KHDRBS2: variants seen among roughly 807,000 people sequenced by gnomAD.
KHDRBS2 encodes the protein KH RNA binding domain containing, signal transduction associated 2.
KHDRBS2 carries 26 observed loss-of-function variants against 44.3 expected under a neutral mutation model. The ratio of observed to expected loss-of-function variants is 0.59; its 90% CI spans 0.43 to 0.81. KHDRBS2 has a LOEUF of 0.81. Among genes scored for constraint, KHDRBS2 ranks in the 40% least tolerant of loss-of-function variants. KHDRBS2 has a pLI of 0.00. For synonymous variants in KHDRBS2, 194 were observed against 151.1 expected, an observed-to-expected ratio of 1.28 and a Z score of -2.08; for missense variants, 476 against 433.1, an observed-to-expected ratio of 1.10 and a Z score of -0.88.
intron 1 of KHDRBS2, among the ~76,000 whole-genome samples, chr6:62,185,588 T>C (rs367763925): frequency 2.2e-3 from 331 of 152,150 alleles, no homozygotes; most frequent in African/African-American, 7.7e-3. Flanking sequence ...CAAGTAATTA[T>C]TTTTGATTAT....
intron 3 of KHDRBS2, among the ~76,000 whole-genome samples, chr6:62,005,752 A>G (rs1445008097): frequency 6.6e-6 from 1 of 151,882 alleles, no homozygotes; most frequent in Non-Finnish European, 1.5e-5. Flanking sequence ...AATCATGCAA[A>G]TAAAAAACCT....
chr6:62,270,848 T>C (rs1048304198), intron 1 of KHDRBS2, among the ~76,000 whole-genome samples: 5 of 152,080 alleles, frequency 3.3e-5, no homozygotes, highest in African/African-American at 9.7e-5. Context: ...ACCTATGTCA[T>C]AGATGAGGAA....
chr6:61,701,612 A>G (rs1425526601), intron 7 of KHDRBS2, among the ~76,000 whole-genome samples: 2 of 152,008 alleles, frequency 1.3e-5, no homozygotes, highest in African/African-American at 4.8e-5. Flanking sequence ...ACTGGGATAA[A>G]GAAGACCCTT....
chr6:62,090,018 G>A (rs1161525933), intron 2 of KHDRBS2, among the ~76,000 whole-genome samples: 4 of 152,146 alleles, frequency 2.6e-5, no homozygotes, highest in Non-Finnish European at 4.4e-5. Flanking sequence ...CATGACAGTG[G>A]TGGAATAAAA....
chr6:62,105,413 C>A (rs1802960876), intron 2 of KHDRBS2, among the ~76,000 whole-genome samples: 1 of 152,094 alleles, frequency 6.6e-6, no homozygotes, highest in African/African-American at 2.4e-5. Flanking sequence ...GTCCTGGAGT[C>A]TTTTTGGTTG....
the KHDRBS2 span, among the ~76,000 whole-genome samples, chr6:61,668,469 T>C: frequency 6.6e-6 from 1 of 151,026 alleles, no homozygotes; most frequent in Non-Finnish European, 1.5e-5. Context: ...TCTAAGAAAG[T>C]AATTATTCTG....
At chr6:61,894,394 T>G (rs1020419960) in intron 6 of KHDRBS2, among the ~76,000 whole-genome samples, 1 of 152,224 alleles carries the variant, frequency 6.6e-6, no homozygotes, top group Non-Finnish European at 1.5e-5. Flanking sequence ...TTCCTAAGGA[T>G]AAGTTTGGTT....
At chr6:62,070,710 G>A (rs1249108540) in intron 2 of KHDRBS2, among the ~76,000 whole-genome samples, 2 of 152,132 alleles carry the variant, frequency 1.3e-5, no homozygotes, top group East Asian at 1.9e-4. Flanking sequence ...TGGTGTATAT[G>A]TGCCACATTT....
chr6:61,954,486 C>T (rs1314770399), intron 4 of KHDRBS2, among the ~76,000 whole-genome samples: 3 of 127,698 alleles, frequency 2.3e-5, no homozygotes, highest in African/African-American at 6.2e-5. Flanking sequence ...TATACACATG[C>T]GTATGTATGT....
At chr6:61,837,394 G>C (rs1792863313) in intron 6 of KHDRBS2, among the ~76,000 whole-genome samples, 1 of 151,946 alleles carries the variant, frequency 6.6e-6, no homozygotes, top group African/African-American at 2.4e-5. Context: ...AGCTAGACAT[G>C]AGTCAGCTAT....
intron 1 of KHDRBS2, among the ~76,000 whole-genome samples, chr6:62,263,867 T>C (rs1482190314): frequency 6.6e-6 from 1 of 151,764 alleles, no homozygotes; most frequent in Non-Finnish European, 1.5e-5. Context: ...GCATATTTTG[T>C]GCAAATCAGA....
intron 2 of KHDRBS2, among the ~76,000 whole-genome samples, chr6:62,119,135 T>C (rs927347698): frequency 6.6e-6 from 1 of 152,270 alleles, no homozygotes. Flanking sequence ...TAAATATGAT[T>C]GGACCCCAAA....
At chr6:61,607,397 GA>G in the KHDRBS2 span, among the ~76,000 whole-genome samples, 2 of 149,802 alleles carry the variant, frequency 1.3e-5, no homozygotes, top group African/African-American at 2.5e-5. Context: ...AACATCAAGA[GA>G]AAAAATTAGT....
chr6:61,756,589 A>G (rs1778521509), intron 6 of KHDRBS2, among the ~76,000 whole-genome samples: 1 of 152,190 alleles, frequency 6.6e-6, no homozygotes, highest in Non-Finnish European at 1.5e-5. Context: ...TTCAGAGTTT[A>G]CATATGAGTA....
the KHDRBS2 span, among the ~76,000 whole-genome samples, chr6:61,649,953 T>C: frequency 1.3e-5 from 2 of 152,186 alleles, no homozygotes; most frequent in African/African-American, 4.8e-5. Context: ...AACAGTGCCC[T>C]GTTCCACCCT....
At chr6:61,684,105 C>G (rs1766579990) in intron 8 of KHDRBS2, among the ~76,000 whole-genome samples, 1 of 151,892 alleles carries the variant, frequency 6.6e-6, no homozygotes. Flanking sequence ...TATAGTTACA[C>G]ATTTACAATT....
intron 5 of KHDRBS2, among the ~76,000 whole-genome samples, chr6:61,900,488 T>A (rs1185562007): frequency 6.6e-6 from 1 of 152,196 alleles, no homozygotes; most frequent in Non-Finnish European, 1.5e-5. Flanking sequence ...TTATATTAAC[T>A]CTTTTCAAAC....
intron 1 of KHDRBS2, among the ~76,000 whole-genome samples, chr6:62,229,711 C>T (rs1227161199): frequency 3.3e-5 from 5 of 152,126 alleles, no homozygotes; most frequent in East Asian, 1.9e-4. Context: ...CTGGGTAGCA[C>T]GCTCACTCAC....
chr6:61,648,529 T>A, the KHDRBS2 span, among the ~76,000 whole-genome samples: 1 of 152,120 alleles, frequency 6.6e-6, no homozygotes, highest in Non-Finnish European at 1.5e-5. Context: ...GTGTGTCAGG[T>A]GCTGTGCTAG....
Sources: gnomAD v4.1 joint callset for allele counts (sites outside exome capture counted in the v4.1 genomes callset) on GRCh38, gnomAD v4.1.1 for gene constraint, MANE v1.5 for transcripts, NCBI Gene and HGNC (gene_info 2026-07-23, HGNC 2026-07-21) for gene names.